The following APOO variants were observed in gnomAD, a reference collection of about 807,000 sequenced individuals.
APOO encodes MICOS complex subunit MIC26.
A neutral mutation model predicts 23.1 loss-of-function variants in APOO; 11 were observed. The ratio of observed to expected loss-of-function variants is 0.48; its 90% CI spans 0.30 to 0.79. APOO has a LOEUF of 0.79. Among genes scored for constraint, APOO ranks in the 30% least tolerant of loss-of-function variants. The pLI is 0.07. For missense variants in APOO, 160 were observed against 142.7 expected, an observed-to-expected ratio of 1.12 and a Z score of -0.62; for synonymous variants, 59 against 54.8, an observed-to-expected ratio of 1.08 and a Z score of -0.34.
rs761355047 is a variant in APOO at position 23,840,382 on chromosome X, TAA to T, written c.562-7_562-6del. On this transcript the variant is annotated splice_region_variant and splice_polypyrimidine_tract_variant and intron_variant, in intron 7 of 8. Coordinates refer to ENST00000379226, the MANE Select transcript of APOO (RefSeq NM_024122.5). ...TGAATTCTTCACATTTCCTGGCTTT[TAA>T]AACAAAAGAAAGAGCTTGAATGCAG... is the stretch of plus-strand genomic sequence containing the variant. 8.3e-7 allele frequency: 1 copy of T among 1,198,330 alleles called. No homozygotes were observed. Among genetic ancestry groups the T allele is most frequent in the Non-Finnish European group, 1.1e-6 (1 of 888,969 alleles).
chrX:23,905,163 C>T (rs201393195), intron 1 of APOO, among the ~76,000 whole-genome samples: 6 of 109,205 alleles, frequency 5.5e-5, no homozygotes, highest in East Asian at 5.8e-4. Flanking sequence ...CCAAGGCGGG[C>T]GAATCACGAG....
chrX:23,835,725 CA>C (rs58910598), intron 8 of APOO, among the ~76,000 whole-genome samples: 7,680 of 99,341 alleles, frequency 0.077, 616 homozygotes, highest in African/African-American at 0.24. Flanking sequence ...CTGTCTATGG[CA>C]AAAAAAAAAA....
intron 5 of APOO, among the ~76,000 whole-genome samples, chrX:23,868,279 G>A (rs1168684581): frequency 1.8e-5 from 2 of 112,045 alleles, no homozygotes; most frequent in Non-Finnish European, 3.8e-5. Flanking sequence ...GATCTTAATA[G>A]TGAAACGTTT....
intron 8 of APOO, among the ~76,000 whole-genome samples, chrX:23,835,645 C>T (rs749339867): frequency 3.6e-5 from 4 of 110,401 alleles, no homozygotes; most frequent in Non-Finnish European, 5.7e-5. Context: ...TAAGTACTGA[C>T]AGGGAAATAC....
intron 1 of APOO, among the ~76,000 whole-genome samples, chrX:23,887,483 C>T (rs200583275): frequency 9.1e-6 from 1 of 109,624 alleles, no homozygotes; most frequent in Non-Finnish European, 1.9e-5. Context: ...CCGTCCGCCT[C>T]GGCCTCCTAA....
chrX:23,836,976 T>G, intron 8 of APOO: 2 of 1,209,070 alleles, frequency 1.7e-6, no homozygotes, highest in Non-Finnish European at 2.2e-6. Context: ...CCAAAAAATT[T>G]CGGATTTCAA....
At chrX:23,865,391 G>A (rs1925288645) in intron 5 of APOO, among the ~76,000 whole-genome samples, 2 of 110,550 alleles carry the variant, frequency 1.8e-5, no homozygotes, top group Admixed American at 9.7e-5. Context: ...ATCACTTGAG[G>A]TCAGGAGTTC....
intron 7 of APOO, among the ~76,000 whole-genome samples, chrX:23,847,352 C>T (rs1031185498): frequency 1.8e-5 from 2 of 111,482 alleles, no homozygotes; most frequent in African/African-American, 3.3e-5. Flanking sequence ...CTTGGCCAGG[C>T]GCAGCGGCTC....
At chrX:23,890,102 AAC>A (rs923146013) in intron 1 of APOO, among the ~76,000 whole-genome samples, 5 of 112,033 alleles carry the variant, frequency 4.5e-5, no homozygotes, top group African/African-American at 1.6e-4. Flanking sequence ...ATGCTTAGAG[AAC>A]AGTTATTCAA....
At chrX:23,893,676 C>T (rs1926772873) in intron 1 of APOO, among the ~76,000 whole-genome samples, 1 of 110,787 alleles carries the variant, frequency 9.0e-6, no homozygotes, top group Non-Finnish European at 1.9e-5. Context: ...TCAAGTGATT[C>T]TCCAGCCTCA....
chrX:23,853,480 T>C (rs1317221085), intron 7 of APOO, among the ~76,000 whole-genome samples: 1 of 111,254 alleles, frequency 9.0e-6, no homozygotes, highest in Non-Finnish European at 1.9e-5. Context: ...CATTAATTTT[T>C]TGTATTTTTA....
At chrX:23,853,604 G>A (rs1015325878) in intron 7 of APOO, among the ~76,000 whole-genome samples, 2 of 104,914 alleles carry the variant, frequency 1.9e-5, no homozygotes, top group African/African-American at 3.6e-5. Context: ...CACCGAGCCC[G>A]ACCGTTTTTT....
intron 1 of APOO, among the ~76,000 whole-genome samples, chrX:23,885,126 C>A (rs1432526363): frequency 9.1e-6 from 1 of 109,645 alleles, no homozygotes; most frequent in Non-Finnish European, 1.9e-5. Flanking sequence ...AGGCCGGGTG[C>A]GGTGGCTCAC....
chrX:23,888,771 ACCTGG>A (rs1382626282), intron 1 of APOO, among the ~76,000 whole-genome samples: 1 of 104,120 alleles, frequency 9.6e-6, no homozygotes, highest in African/African-American at 3.5e-5. Context: ...AATCGTTTGA[ACCTGG>A]AAGGTGGAGG....
intron 3 of APOO, among the ~76,000 whole-genome samples, chrX:23,877,765 C>A (rs1925922704): frequency 9.5e-6 from 1 of 105,056 alleles, no homozygotes. Context: ...CAGAGCAAGA[C>A]TCCCTCTCAA....
chrX:23,906,536 A>G (rs764886912), intron 1 of APOO, among the ~76,000 whole-genome samples: 5 of 112,614 alleles, frequency 4.4e-5, no homozygotes, highest in Admixed American at 2.8e-4. Flanking sequence ...TGGCCACAGC[A>G]TATCTTTCCT....
chrX:23,886,551 CACACACCTGACCATGGT>C (rs751918489), intron 1 of APOO, among the ~76,000 whole-genome samples: 1 of 111,915 alleles, frequency 8.9e-6, no homozygotes, highest in Non-Finnish European at 1.9e-5. Context: ...AGGAGCCAGC[CACACACCTGACCATGGT>C]AAGGAACTGG....
At chrX:23,885,703 A>G (rs1430727159) in intron 1 of APOO, among the ~76,000 whole-genome samples, 3 of 110,742 alleles carry the variant, frequency 2.7e-5, no homozygotes, top group African/African-American at 6.6e-5. Context: ...TTTACTGCCT[A>G]AACTGTTTTC....
In APOO at chrX:23,880,938, G is replaced by C. The variant is rs148221723; in HGVS notation, c.24C>G (p.Ser8=). The C allele has an allele frequency of 2.5e-6, 3 of 1,178,180 alleles. No individual in the cohort carries two copies. In the African/African-American group the frequency reaches 5.3e-5, roughly 21 times the overall value. ...GCAAGCTCAGGCTGGCTGGCCCCAC[G>C]GACCTCTGAATTACCTGAAATGCAG... The part of the protein sequence containing the change: MFKVIQR[S]VGPASLSLLT... Residue 8 remains serine, a synonymous_variant, in exon 2 of 9, where the codon TCC becomes TCG. Coordinates refer to ENST00000379226, the MANE Select transcript of APOO (RefSeq NM_024122.5).
Sources: allele counts gnomAD v4.1 joint callset (sites outside exome capture counted in the v4.1 genomes callset), GRCh38; gene constraint gnomAD v4.1.1; transcripts MANE v1.5; gene names NCBI Gene and HGNC (gene_info 2026-07-23, HGNC 2026-07-21).